Variants in SYNDIG1 observed in about 807,000 individuals in gnomAD.
SYNDIG1 encodes the protein synapse differentiation-inducing gene protein 1.
SYNDIG1 carries 9 observed loss-of-function variants against 19.4 expected under a neutral mutation model. The observed-to-expected ratio is 0.46, with a 90% confidence interval of 0.28 to 0.81. The LOEUF (loss-of-function observed/expected upper bound fraction) is 0.81, where lower values mean the gene tolerates loss of function less well. SYNDIG1 is among the 30% of genes least tolerant of loss of function. The pLI is 0.12. For missense variants in SYNDIG1, 311 were observed against 343.3 expected (o/e 0.91, Z 0.74); for synonymous variants, 141 against 145.9 (o/e 0.97, Z 0.24).
intron 2 of SYNDIG1, among the ~76,000 whole-genome samples, chr20:24,580,500 C>T (rs2018095): frequency 0.39 from 59,591 of 151,952 alleles, 11,938 homozygotes; most frequent in Middle Eastern, 0.52. Context: ...AACCTCCACT[C>T]CCTGGGTTCA....
chr20:24,501,128 C>T (rs1034874650), intron 1 of SYNDIG1, among the ~76,000 whole-genome samples: 13 of 152,224 alleles, frequency 8.5e-5, no homozygotes, highest in Non-Finnish European at 1.8e-4. Flanking sequence ...TAGATAACAT[C>T]TATCTACCTA....
At chr20:24,546,838 G>A (rs924096915) in intron 2 of SYNDIG1, among the ~76,000 whole-genome samples, 2 of 151,866 alleles carry the variant, frequency 1.3e-5, no homozygotes, top group African/African-American at 4.8e-5. Flanking sequence ...TGAAACAAAA[G>A]AACAGTGAAT....
intron 2 of SYNDIG1, among the ~76,000 whole-genome samples, chr20:24,556,130 C>T (rs2057810838): frequency 6.6e-6 from 1 of 151,984 alleles, no homozygotes; most frequent in Non-Finnish European, 1.5e-5. Flanking sequence ...ATTGCAACCC[C>T]TGCCTTTTTT....
intron 1 of SYNDIG1, chr20:24,495,750 T>C (rs1450790974): frequency 6.6e-6 from 1 of 152,224 alleles, no homozygotes; most frequent in Non-Finnish European, 1.5e-5. Flanking sequence ...TGGGATCACA[T>C]TGGTGAGGTG....
At chr20:24,619,844 A>G (rs952411433) in intron 3 of SYNDIG1, among the ~76,000 whole-genome samples, 1 of 152,170 alleles carries the variant, frequency 6.6e-6, no homozygotes, top group Admixed American at 6.5e-5. Context: ...AGGGTTCTGT[A>G]TCTTCCATTT....
intron 1 of SYNDIG1, among the ~76,000 whole-genome samples, chr20:24,529,446 G>A (rs2057196006): frequency 6.6e-6 from 1 of 152,062 alleles, no homozygotes; most frequent in Admixed American, 6.5e-5. Context: ...TAGGCTTCAT[G>A]GACAATATGG....
chr20:24,491,761 T>C (rs536659162), intron 1 of SYNDIG1: 10 of 152,292 alleles, frequency 6.6e-5, no homozygotes, highest in African/African-American at 2.4e-4. Context: ...AAAAGTATGG[T>C]TATGCTTGAA....
At chr20:24,550,535 G>T (rs1327685419) in intron 2 of SYNDIG1, among the ~76,000 whole-genome samples, 2 of 149,226 alleles carry the variant, frequency 1.3e-5, no homozygotes, top group Admixed American at 6.7e-5. Flanking sequence ...TTGAGACGGA[G>T]TCTCTCTCTG....
chr20:24,512,539 T>G (rs569520889), intron 1 of SYNDIG1, among the ~76,000 whole-genome samples: 1 of 151,846 alleles, frequency 6.6e-6, no homozygotes, highest in Non-Finnish European at 1.5e-5. Flanking sequence ...GCCTCGCTCA[T>G]TGCTAGCACA....
intron 3 of SYNDIG1, among the ~76,000 whole-genome samples, chr20:24,604,840 C>T (rs537959939): frequency 2.6e-5 from 4 of 152,260 alleles, no homozygotes; most frequent in Admixed American, 2.6e-4. Flanking sequence ...AGGTCTGGAT[C>T]GGGACTCCTT....
intron 1 of SYNDIG1, among the ~76,000 whole-genome samples, chr20:24,478,947 T>C (rs2055712709): frequency 6.6e-6 from 1 of 152,206 alleles, no homozygotes; most frequent in South Asian, 2.1e-4. Context: ...TCGTGGGCAC[T>C]GTGTTCTTGT....
intron 3 of SYNDIG1, among the ~76,000 whole-genome samples, chr20:24,660,801 T>C (rs2147398731): frequency 6.6e-6 from 1 of 152,332 alleles, no homozygotes; most frequent in South Asian, 2.1e-4. Context: ...CCCAAGACCA[T>C]GTCTGGTCCC....
intron 3 of SYNDIG1, among the ~76,000 whole-genome samples, chr20:24,589,051 C>T (rs2058464852): frequency 2.0e-5 from 3 of 152,124 alleles, no homozygotes; most frequent in Non-Finnish European, 2.9e-5. Context: ...ATTGCAAGCA[C>T]GCTTTGTAAA....
intron 2 of SYNDIG1, among the ~76,000 whole-genome samples, chr20:24,567,885 G>A (rs956847679): frequency 1.3e-5 from 2 of 152,242 alleles, no homozygotes; most frequent in Non-Finnish European, 2.9e-5. Context: ...TGTAATCACA[G>A]CACTTTGGGA....
At position 24,543,406 on chromosome 20, in the gene SYNDIG1, G is replaced by A. The variant is rs2057508729; in HGVS notation, c.309G>A (p.Gly103=). The change falls in exon 2 of 4, where the codon GGG becomes GGA. Residue 103 remains glycine (G), a synonymous_variant. Transcript: ENST00000376862. ...CAGAGGGCGTGCTGCGCTCCTGGGG[G>A]GACGGTGTGGCCGCCGACTGCTGCG... The part of the protein sequence containing the change: ...LYSEGVLRSW[G]DGVAADCCET... 3.1e-6 allele frequency: 5 copies of A among 1,613,686 alleles called. No homozygotes were observed. Among genetic ancestry groups the A allele is most frequent in the Non-Finnish European group, 4.2e-6 (5 of 1,180,034 alleles).
chr20:24,542,862 A>C (rs1336024306), intron 1 of SYNDIG1, among the ~76,000 whole-genome samples, 158 bp from the exon 2 acceptor site: 2 of 152,198 alleles, frequency 1.3e-5, no homozygotes, highest in African/African-American at 4.8e-5. Context: ...GACCCTTTTT[A>C]ACATTCACTG....
chr20:24,653,251 C>T lies in SYNDIG1; in HGVS notation c.619-12095C>T, dbSNP rs537005814. Among the ~76,000 whole-genome samples the T allele has an allele frequency of 3.5e-4, 54 of 152,216 alleles. 1 individual carries two copies. The highest frequency in any genetic ancestry group is 1.5e-5 in the Non-Finnish European group (1 of 68,004). ...TGAAAGCGCACGGAGGAGTGGTGAT[C>T]ATGCAGTGTGGCTGAGTCTGCAAGC... On this transcript the variant is annotated intron_variant, in intron 3 of 3. Transcript: ENST00000376862.
chr20:24,623,651 G>A (rs946610498), intron 3 of SYNDIG1, among the ~76,000 whole-genome samples: 40 of 152,204 alleles, frequency 2.6e-4, no homozygotes, highest in South Asian at 2.1e-4. Flanking sequence ...CAAATACTCT[G>A]TTGTGAGGTA....
At chr20:24,531,370 T>A (rs1297280936) in intron 1 of SYNDIG1, among the ~76,000 whole-genome samples, 1 of 152,134 alleles carries the variant, frequency 6.6e-6, no homozygotes, top group East Asian at 1.9e-4. Context: ...GGAGTAGGTA[T>A]GTTTAAGAAA....
Sources: allele counts gnomAD v4.1 joint callset (sites outside exome capture counted in the v4.1 genomes callset), GRCh38; gene constraint gnomAD v4.1.1; transcripts MANE v1.5; gene names NCBI Gene and HGNC (gene_info 2026-07-23, HGNC 2026-07-21).